The following MAD1L1 variants were observed in gnomAD, a reference collection of about 807,000 sequenced individuals.
MAD1L1 encodes the protein mitotic arrest deficient 1 like 1.
Under a neutral mutation model 96.9 loss-of-function variants are expected in MAD1L1, and 95 were observed. That is an observed-to-expected ratio of 0.98 (90% CI 0.83 to 1.16). The LOEUF is 1.16. Ranked by LOEUF, MAD1L1 falls within the 50% of genes most tolerant of loss-of-function variation. The pLI is 0.00. For synonymous variants in MAD1L1, 473 were observed against 396.6 expected (o/e 1.19, Z -2.29); for missense variants, 1,007 against 954.4 (o/e 1.06, Z -0.73).
At chr7:2,116,172 G>T (rs1787680286) in intron 11 of MAD1L1, among the ~76,000 whole-genome samples, 1 of 152,248 alleles carries the variant, frequency 6.6e-6, no homozygotes, top group East Asian at 1.9e-4. Context: ...AGTGGCCCCA[G>T]CTCCAGGATC....
chr7:1,839,898 C>G (rs1282064013), intron 18 of MAD1L1, among the ~76,000 whole-genome samples: 1 of 152,218 alleles, frequency 6.6e-6, no homozygotes, highest in Non-Finnish European at 1.5e-5. Flanking sequence ...CGCCTCCCCC[C>G]ATAACCACCT....
At chr7:1,889,575 C>CT (rs147077171) in intron 18 of MAD1L1, among the ~76,000 whole-genome samples, 1 of 151,782 alleles carries the variant, frequency 6.6e-6, no homozygotes, top group Non-Finnish European at 1.5e-5. Flanking sequence ...GCCCCTGCAC[C>CT]ATCTCCTATG....
At chr7:2,127,517 C>T (rs77581675) in intron 11 of MAD1L1, among the ~76,000 whole-genome samples, 2,500 of 152,232 alleles carry the variant, frequency 0.016, 67 homozygotes, top group African/African-American at 0.057. Flanking sequence ...CCGACCACAC[C>T]GACCGGTAGG....
At chr7:1,903,020 C>G (rs1485733132) in intron 17 of MAD1L1, among the ~76,000 whole-genome samples, 1 of 151,602 alleles carries the variant, frequency 6.6e-6, no homozygotes, top group African/African-American at 2.4e-5. Flanking sequence ...TGATGAAGCA[C>G]TGTTCCAGGC....
chr7:2,162,421 A>C (rs573779697), intron 10 of MAD1L1, among the ~76,000 whole-genome samples: 29 of 152,260 alleles, frequency 1.9e-4, no homozygotes, highest in Non-Finnish European at 3.4e-4. Context: ...CCACTCCCTA[A>C]TCTCAAGTAC....
At chr7:1,909,940 C>T (rs971810888) in intron 17 of MAD1L1, among the ~76,000 whole-genome samples, 1 of 152,198 alleles carries the variant, frequency 6.6e-6, no homozygotes, top group Non-Finnish European at 1.5e-5. Flanking sequence ...ACCTGGCAGG[C>T]GCTGGCTGGG....
At chr7:2,032,630 G>C (rs1161849192) in intron 12 of MAD1L1, among the ~76,000 whole-genome samples, 1 of 152,186 alleles carries the variant, frequency 6.6e-6, no homozygotes, top group African/African-American at 2.4e-5. Flanking sequence ...AGCATGAGGA[G>C]AATTCAAAAC....
intron 11 of MAD1L1, among the ~76,000 whole-genome samples, chr7:2,107,957 G>A (rs1332568071): frequency 6.6e-6 from 1 of 152,108 alleles, no homozygotes; most frequent in Non-Finnish European, 1.5e-5. Flanking sequence ...AGTCCAGGCA[G>A]GGGACAGGAG....
At position 1,936,883 on chromosome 7, in the gene MAD1L1, C is replaced by G; in HGVS notation, c.1611G>C (p.Gln537His). 1.9e-6 allele frequency: 3 copies of G among 1,598,912 alleles called. No homozygotes were observed. The highest frequency in any genetic ancestry group is 2.6e-6 in the Non-Finnish European group (3 of 1,171,874). Reference protein sequence around the residue: ...ERRALQGDYDQSRTKVLHMSL... With the variant: ...ERRALQGDYDHSRTKVLHMSL... ...TCATGTGCAGCACTTTGGTCCTGCT[C>G]TGGTCATAGTCACCCTGCAGGAACA... Residue 537 changes from glutamine to histidine, a missense_variant, in exon 17 of 19, where the codon CAG (glutamine) becomes CAC (histidine). Transcript: ENST00000265854.
At chr7:2,179,801 C>T (rs1346953218) in intron 10 of MAD1L1, among the ~76,000 whole-genome samples, 1 of 151,946 alleles carries the variant, frequency 6.6e-6, no homozygotes, top group Non-Finnish European at 1.5e-5. Context: ...GAAACCTCAT[C>T]CCTACTAAAA....
chr7:1,874,984 G>T (rs563837305), intron 18 of MAD1L1, among the ~76,000 whole-genome samples: 2 of 152,270 alleles, frequency 1.3e-5, no homozygotes, highest in Non-Finnish European at 2.9e-5. Context: ...TCCAGGGCAG[G>T]CATACTCCGA....
At chr7:1,932,569 G>A (rs1487661146) in intron 17 of MAD1L1, among the ~76,000 whole-genome samples, 1 of 152,246 alleles carries the variant, frequency 6.6e-6, no homozygotes, top group Non-Finnish European at 1.5e-5. Context: ...GCTAGGAAAC[G>A]CTAGATGACT....
At chr7:2,082,139 G>A (rs992295964) in intron 11 of MAD1L1, among the ~76,000 whole-genome samples, 4 of 152,084 alleles carry the variant, frequency 2.6e-5, no homozygotes, top group African/African-American at 4.8e-5. Flanking sequence ...GAACACCTGC[G>A]CAGGAGATGC....
chr7:1,817,890 C>A (rs959463542), intron 18 of MAD1L1, among the ~76,000 whole-genome samples: 4 of 151,996 alleles, frequency 2.6e-5, no homozygotes, highest in Non-Finnish European at 5.9e-5. Context: ...TCGCCCCTCC[C>A]CTCACCACCT....
At chr7:2,221,065 G>T (rs112537386) in intron 5 of MAD1L1, 1 of 1,594,274 alleles carries the variant, frequency 6.3e-7, no homozygotes, top group Non-Finnish European at 8.6e-7. Flanking sequence ...CGCAGGGAGG[G>T]CTTCCCTGAG....
At chr7:1,910,846 G>A (rs1449199302) in intron 17 of MAD1L1, among the ~76,000 whole-genome samples, 4 of 152,218 alleles carry the variant, frequency 2.6e-5, no homozygotes, top group Non-Finnish European at 2.9e-5. Flanking sequence ...GGAAACCGAC[G>A]ATGAGAAAGC....
chr7:1,910,510 A>AAG (rs1266403918), intron 17 of MAD1L1, among the ~76,000 whole-genome samples: 2 of 152,222 alleles, frequency 1.3e-5, no homozygotes, highest in African/African-American at 4.8e-5. Context: ...GCTGGAGCCC[A>AAG]CGCTGGGCAC....
chr7:2,202,936 A>T (rs960381173), intron 10 of MAD1L1, among the ~76,000 whole-genome samples: 1 of 152,224 alleles, frequency 6.6e-6, no homozygotes, highest in Admixed American at 6.5e-5. Flanking sequence ...TGTCCAGGTC[A>T]GCACTGACAG....
At chr7:1,828,887 C>CA in intron 18 of MAD1L1, among the ~76,000 whole-genome samples, 1 of 151,914 alleles carries the variant, frequency 6.6e-6, no homozygotes, top group African/African-American at 2.4e-5. Flanking sequence ...ATAAAAGGGA[C>CA]AAAAAAGAGC....
Sources: gnomAD v4.1 joint callset for allele counts (sites outside exome capture counted in the v4.1 genomes callset) on GRCh38, gnomAD v4.1.1 for gene constraint, MANE v1.5 for transcripts, NCBI Gene and HGNC (gene_info 2026-07-23, HGNC 2026-07-21) for gene names.